CEP164: variants seen among roughly 807,000 people sequenced by gnomAD.
CEP164 encodes the protein centrosomal protein 164, also known as centrosomal protein of 164 kDa.
A neutral mutation model predicts 182.7 loss-of-function variants in CEP164; 162 were observed. That is an observed-to-expected ratio of 0.89 (90% CI 0.78 to 1.01). The LOEUF (loss-of-function observed/expected upper bound fraction) is 1.01, where lower values mean the gene tolerates loss of function less well. Ranked by LOEUF, CEP164 falls within the 50% of genes least tolerant of loss-of-function variation. The pLI is 0.00. For synonymous variants in CEP164, 661 were observed against 690.0 expected (o/e 0.96, Z 0.66); for missense variants, 1,735 against 1,790.4 (o/e 0.97, Z 0.56).
intron 4 of CEP164, among the ~76,000 whole-genome samples, chr11:117,350,199 G>A (rs976652835): frequency 3.4e-5 from 5 of 148,272 alleles, no homozygotes; most frequent in Non-Finnish European, 7.5e-5. Context: ...GTGAGCCACC[G>A]CACCCAGCCT....
At chr11:117,362,839 C>T (rs1164878127) in intron 7 of CEP164, among the ~76,000 whole-genome samples, 3 of 152,164 alleles carry the variant, frequency 2.0e-5, no homozygotes, top group African/African-American at 7.2e-5. Context: ...CCCTCCATCC[C>T]TGGAAACCTA....
chr11:117,409,484 C>A lies in CEP164; in HGVS notation c.3749-134C>A. The A allele has an allele frequency of 1.3e-6, 1 of 778,324 alleles. No homozygotes were observed. 48.2% of individuals were successfully genotyped at this position (778,324 alleles called of 1,614,324 possible). A position where few individuals can be genotyped will look rare whatever the true frequency, so the allele number is the denominator to read the frequency against. ...GAAGCCCTGCCATCCCTGACCCCCT[C>A]ATAAGGTTGAGGGGCTGTTGTCTGG... On this transcript the variant is annotated intron_variant, in intron 29 of 32. Transcript: ENST00000278935. This position sits in a 1 kb window ranked among gnomAD's most constrained non-coding sequence, Gnocchi z 4.4.
At chr11:117,407,457 C>CA (rs1232486465) in intron 27 of CEP164, among the ~76,000 whole-genome samples, 25,164 of 69,338 alleles carry the variant, frequency 0.36, 3,776 homozygotes, top group East Asian at 0.45. Context: ...TCTGTCTCTA[C>CA]AAAAAAAAAA....
rs769977331 is a variant in CEP164 at position 117,373,771 on chromosome 11, C to T, written c.1173C>T (p.His391=). 5 of 1,614,166 alleles carry T rather than the reference C, an allele frequency of 3.1e-6. No homozygotes were observed. The highest frequency in any genetic ancestry group is 1.7e-5 in the Admixed American group (1 of 60,026). The change falls in exon 10 of 33, where the codon CAC becomes CAT. Residue 391 remains histidine (H), a synonymous_variant. Coordinates refer to ENST00000278935, the MANE Select transcript of CEP164 (RefSeq NM_014956.5). ...DASQELEISE[H]MKEPQLSDSI... ...TCCAGGAACTGGAAATTAGTGAACA[C>T]ATGAAGGAACCACAGCTCTCAGACT... is the stretch of plus-strand genomic sequence containing the variant.
chr11:117,375,720 C>T lies in CEP164; in HGVS notation c.1246C>T (p.Arg416Cys), dbSNP rs766713516. 1.9e-5 allele frequency: 30 copies of T among 1,614,000 alleles called. No individual in the cohort carries two copies. The highest frequency in any genetic ancestry group is 1.6e-4 in the South Asian group (15 of 91,074). The stretch of plus-strand genomic sequence containing the variant: ...CCACTGTCTCCAGGACTTCGGTTTT[C>T]GCAGCCGGATCTCGGAGCACCTGCT... The part of the protein sequence containing the change: ...KSFHGLDFGF[R>C]SRISEHLLDV... The change falls in exon 11 of 33, where the codon CGC (arginine) becomes TGC (cysteine). Residue 416 changes from arginine to cysteine, a missense_variant. Transcript: ENST00000278935.
At chr11:117,391,494 G>A (rs2044648319) in intron 17 of CEP164, among the ~76,000 whole-genome samples, 1 of 152,238 alleles carries the variant, frequency 6.6e-6, no homozygotes, top group Non-Finnish European at 1.5e-5. Context: ...GGCGGCTGGA[G>A]GTTGTCAAGC....
intron 2 of CEP164, chr11:117,336,615 G>T: frequency 7.7e-7 from 1 of 1,296,078 alleles, no homozygotes; most frequent in Non-Finnish European, 1.1e-6. Context: ...TGGCTGTCTG[G>T]CATTGGGATT....
intron 15 of CEP164, among the ~76,000 whole-genome samples, chr11:117,390,503 G>A (rs1044896423): frequency 4.6e-5 from 7 of 151,948 alleles, no homozygotes; most frequent in African/African-American, 9.7e-5. Context: ...GGGTTTGATG[G>A]TGCATGCCTG....
intron 5 of CEP164, chr11:117,355,847 C>G: frequency 9.4e-7 from 1 of 1,064,360 alleles, no homozygotes; most frequent in Non-Finnish European, 1.1e-6. Flanking sequence ...CTTGCTAATA[C>G]CACCTGAAAC....
chr11:117,401,896 A>G (rs1013745946), intron 27 of CEP164, among the ~76,000 whole-genome samples: 2 of 151,932 alleles, frequency 1.3e-5, no homozygotes, highest in Non-Finnish European at 2.9e-5. Context: ...CAGTCTATCT[A>G]TTTTGCTAAT....
In CEP164 at chr11:117,344,191, T is replaced by G; in HGVS notation, c.108T>G (p.Ile36Met). The change falls in exon 4 of 33, where the codon ATT (isoleucine) becomes ATG (methionine). Residue 36 changes from isoleucine (I) to methionine (M), a missense_variant. Ile to Met is a conservative substitution (Grantham distance 10). Transcript: ENST00000278935. Reference sequence around the variant, plus strand: ...AAATTCTTGAATTTGCCCGGGAGATTGGTATTGATCCCATCAAGGAACCAG... The same window carrying G: ...AAATTCTTGAATTTGCCCGGGAGATGGGTATTGATCCCATCAAGGAACCAG... ...EQEILEFARE[I>M]GIDPIKEPEL... is the part of the protein sequence containing the mutation. 1 of 1,612,864 alleles carries G rather than the reference T, an allele frequency of 6.2e-7. No individual in the cohort carries two copies. Among genetic ancestry groups the G allele is most frequent in the Non-Finnish European group, 8.5e-7 (1 of 1,179,468 alleles).
rs2047061487 is a variant in CEP164 at position 117,409,333 on chromosome 11, G to A, written c.3749-285G>A. 1 of 577,348 alleles carries A rather than the reference G, an allele frequency of 1.7e-6. No individual in the cohort carries two copies. The highest frequency in any genetic ancestry group is 3.1e-6 in the Non-Finnish European group (1 of 326,088). The allele number at this position is 577,348 out of a possible 1,614,324, so 35.8% of individuals were successfully genotyped here. ...AGGCTTTTCTCTCTCAGCTGCCCTGGCCTGTATGTGACAGAAGGGCCCTCT... is the reference window on the plus strand; with the variant it reads ...AGGCTTTTCTCTCTCAGCTGCCCTGACCTGTATGTGACAGAAGGGCCCTCT... On this transcript the variant is annotated intron_variant, in intron 29 of 32. Transcript: ENST00000278935. The surrounding 1 kb of genome is among the most constrained non-coding windows in gnomAD (Gnocchi z 4.4).
chr11:117,382,384 G>C (rs1252075569), intron 13 of CEP164, among the ~76,000 whole-genome samples: 1 of 152,182 alleles, frequency 6.6e-6, no homozygotes, highest in Admixed American at 6.5e-5. Context: ...CCAGCTGAGA[G>C]GACCTTTTTT....
At chr11:117,392,447 C>G in intron 18 of CEP164, 49 bp from the exon 19 acceptor site, 3 of 1,594,496 alleles carry the variant, frequency 1.9e-6, no homozygotes, top group Non-Finnish European at 2.6e-6. Flanking sequence ...AGCAGCTGTA[C>G]AGTCTGTCTG....
intron 5 of CEP164, among the ~76,000 whole-genome samples, chr11:117,352,809 A>T (rs2039821694): frequency 6.6e-6 from 1 of 151,776 alleles, no homozygotes; most frequent in South Asian, 2.1e-4. Context: ...CTGGTCTCAA[A>T]CTCCTGACCT....
rs773635987 is a variant in CEP164, at chr11:117,371,137, G to A, written c.823G>A (p.Ala275Thr). 2 of 1,612,386 alleles carry A rather than the reference G, an allele frequency of 1.2e-6. No individual in the cohort carries two copies. The highest frequency in any genetic ancestry group is 1.1e-5 in the South Asian group (1 of 90,930). The change falls in exon 9 of 33, where the codon GCT becomes ACT. Residue 275 changes from alanine (A) to threonine (T), a missense_variant. Transcript: ENST00000278935. ...EKKDVSLDSD[A>T]AGPPTPCKPS... is the part of the protein sequence containing the mutation. The stretch of plus-strand genomic sequence containing the variant: ...GAAGGATGTTTCTCTGGATTCAGAT[G>A]CTGCCGGTCCCCCTACTCCCTGCAA...
At position 117,409,808 on chromosome 11, in the gene CEP164, C is replaced by CCCCCAA; in HGVS notation, c.3939_3940insCCCCAA (p.Thr1313_Tyr1314insProGln). On this transcript the variant is annotated inframe_insertion, in exon 30 of 33. Transcript: ENST00000278935. This position sits in a 1 kb window ranked among gnomAD's most constrained non-coding sequence, Gnocchi z 4.4. Reference sequence around the variant, plus strand: ...ACCCTAAGAGCACCCCCACCCCCACCTACTATGGCTCCCTGGCCAGGTTCT... The same window carrying CCCCCAA: ...ACCCTAAGAGCACCCCCACCCCCACCCCCCAATACTATGGCTCCCTGGCCAGGTTCT... The CCCCCAA allele has an allele frequency of 6.2e-7, 1 of 1,611,398 alleles. No individual in the cohort carries two copies. Among genetic ancestry groups the CCCCCAA allele is most frequent in the Non-Finnish European group, 8.5e-7 (1 of 1,179,124 alleles).
At position 117,381,371 on chromosome 11, in the gene CEP164, C is replaced by T. The variant is rs186913218; in HGVS notation, c.1410-330C>T. Reference sequence around the variant, plus strand: ...TTCTCCCCACTTAGTTCTTCCACCCCTCCCTGGCCCCAGTGCTGGTGAGCT... The same window carrying T: ...TTCTCCCCACTTAGTTCTTCCACCCTTCCCTGGCCCCAGTGCTGGTGAGCT... On this transcript the variant is annotated intron_variant, in intron 12 of 32. Transcript: ENST00000278935. Among the ~76,000 whole-genome samples, 99 of 152,316 alleles carry T rather than the reference C, an allele frequency of 6.5e-4. 1 individual carries two copies. Among genetic ancestry groups the T allele is most frequent in the Admixed American group, 2.7e-3 (41 of 15,302 alleles).
chr11:117,334,130 G>C (rs567255037), intron 1 of CEP164, among the ~76,000 whole-genome samples: 1 of 152,114 alleles, frequency 6.6e-6, no homozygotes, highest in Admixed American at 6.5e-5. Context: ...CTTCCCAGAC[G>C]AGCTCAAGAG....
Sources: allele counts gnomAD v4.1 joint callset (sites outside exome capture counted in the v4.1 genomes callset), GRCh38; gene constraint gnomAD v4.1.1; non-coding constraint Gnocchi (gnomAD v3.1); transcripts MANE v1.5; gene names NCBI Gene and HGNC (gene_info 2026-07-23, HGNC 2026-07-21).